NFIB: variants seen among roughly 807,000 people sequenced by gnomAD.
NFIB encodes the protein nuclear factor 1 B-type.
Under a neutral mutation model 61.5 loss-of-function variants are expected in NFIB, and 11 were observed. The ratio of observed to expected loss-of-function variants is 0.18; its 90% confidence interval spans 0.11 to 0.30. The LOEUF (loss-of-function observed/expected upper bound fraction) is 0.30, where lower values mean the gene tolerates loss of function less well. NFIB is among the 10% of genes least tolerant of loss of function. The probability of loss-of-function intolerance (pLI) is 1.00; values close to 1 mark genes in which losing one functional copy is unlikely to be tolerated. For synonymous variants in NFIB, 260 were observed against 216.5 expected (o/e 1.20, Z -1.76); for missense variants, 471 against 608.9 (o/e 0.77, Z 2.38).
chr9:14,504,339 G>A, the NFIB span, among the ~76,000 whole-genome samples: 9 of 152,050 alleles, frequency 5.9e-5, no homozygotes, highest in Non-Finnish European at 1.2e-4. Context: ...ATGAATCTTA[G>A]AATTGTGTTT....
intron 2 of NFIB, among the ~76,000 whole-genome samples, chr9:14,185,383 A>T (rs1159727544): frequency 6.6e-6 from 1 of 152,210 alleles, no homozygotes; most frequent in African/African-American, 2.4e-5. Flanking sequence ...TTCTGAAAAT[A>T]GTATGCCATT....
intron 4 of NFIB, among the ~76,000 whole-genome samples, chr9:14,153,341 G>A (rs984741582): frequency 4.6e-5 from 7 of 152,064 alleles, no homozygotes; most frequent in African/African-American, 1.4e-4. Flanking sequence ...CAGAGTGTGT[G>A]GGAACAGCAA....
chr9:14,112,922 G>A (rs1409437800), intron 10 of NFIB, 77 bp downstream of exon 10: 22 of 1,399,236 alleles, frequency 1.6e-5, no homozygotes, highest in East Asian at 1.3e-4. Flanking sequence ...TTCTGAGTCC[G>A]GATCTGAGAG....
At chr9:14,302,611 T>A (rs2059806740) in intron 2 of NFIB, among the ~76,000 whole-genome samples, 1 of 152,234 alleles carries the variant, frequency 6.6e-6, no homozygotes, top group East Asian at 1.9e-4. Context: ...TGACTCATTT[T>A]AAACTCTAAT....
At chr9:14,125,480 G>GA (rs1419178280) in intron 7 of NFIB, 152 bp downstream of exon 7, 2 of 1,152,284 alleles carry the variant, frequency 1.7e-6, no homozygotes, top group East Asian at 2.4e-5. Context: ...AAATTGAGAA[G>GA]AAAAAATACT....
intron 7 of NFIB, 49 bp downstream of exon 7, chr9:14,125,583 G>A (rs2039540279): frequency 6.2e-7 from 1 of 1,608,900 alleles, no homozygotes; most frequent in Middle Eastern, 1.9e-4. Flanking sequence ...AGGGGGTTAG[G>A]CCCTACAGAC....
the NFIB span, among the ~76,000 whole-genome samples, chr9:14,470,689 ACCACATGT>A: frequency 1.3e-5 from 2 of 152,280 alleles, no homozygotes; most frequent in Admixed American, 1.3e-4. Flanking sequence ...TAAATTCGAG[ACCACATGT>A]CCACAGCAAT....
chr9:14,444,298 A>G, the NFIB span, among the ~76,000 whole-genome samples: 1 of 152,216 alleles, frequency 6.6e-6, no homozygotes, highest in South Asian at 2.1e-4. Context: ...GAGAGAGTGT[A>G]GATTTTAGAA....
At chr9:14,523,970 G>T in the NFIB span, among the ~76,000 whole-genome samples, 1 of 152,140 alleles carries the variant, frequency 6.6e-6, no homozygotes, top group African/African-American at 2.4e-5. Context: ...TCTGGAAAAA[G>T]ACGGCATAAC....
intron 2 of NFIB, among the ~76,000 whole-genome samples, chr9:14,223,525 T>G (rs1361886218): frequency 6.6e-6 from 1 of 152,204 alleles, no homozygotes; most frequent in East Asian, 1.9e-4. Context: ...TATAAAAATG[T>G]AGAAACCACT....
At chr9:14,495,674 C>A in the NFIB span, among the ~76,000 whole-genome samples, 10 of 151,984 alleles carry the variant, frequency 6.6e-5, no homozygotes, top group Admixed American at 4.6e-4. Flanking sequence ...TCTGCTTGAA[C>A]CAAGATGACC....
rs1156649536 is a variant in NFIB, at chr9:14,084,435, A to C, written c.*3874T>G. 4.4e-6 allele frequency: 1 copy of C among 225,276 alleles called. No individual in the cohort carries two copies. The highest frequency in any genetic ancestry group is 6.4e-5 in the East Asian group (1 of 15,568). The allele number at this position is 225,276 out of a possible 1,614,324, so 14.0% of individuals were successfully genotyped here. A position where few individuals can be genotyped will look rare whatever the true frequency, so the allele number is the denominator to read the frequency against. On this transcript the variant is annotated 3_prime_UTR_variant, in exon 11 of 11. Transcript: ENST00000380953. ...CACATATTTTTTAATGGAGCTGCCC[A>C]CCCGAACATTACCCGATAACTATAT... is the stretch of plus-strand genomic sequence containing the variant.
At chr9:14,224,748 G>T (rs1028851970) in intron 2 of NFIB, among the ~76,000 whole-genome samples, 3 of 152,212 alleles carry the variant, frequency 2.0e-5, no homozygotes, top group Admixed American at 6.5e-5. Flanking sequence ...GGGGCCTGGG[G>T]TTGGGGCGGT....
the NFIB span, among the ~76,000 whole-genome samples, chr9:14,473,260 C>T: frequency 1.3e-5 from 2 of 152,184 alleles, no homozygotes; most frequent in South Asian, 4.1e-4. Flanking sequence ...ATACATACAA[C>T]CTTTTATCAA....
chr9:14,160,111 G>A (rs948506383), intron 3 of NFIB, among the ~76,000 whole-genome samples: 1 of 152,076 alleles, frequency 6.6e-6, no homozygotes, highest in East Asian at 1.9e-4. Flanking sequence ...TACACTACAT[G>A]TGTGCTTTTT....
At chr9:14,148,151 C>T (rs576814395) in intron 5 of NFIB, among the ~76,000 whole-genome samples, 7 of 152,194 alleles carry the variant, frequency 4.6e-5, no homozygotes, top group South Asian at 2.1e-4. Flanking sequence ...GAGACAGGGT[C>T]TCACTCTGTT....
chr9:14,360,418 C>G (rs1203244957), intron 1 of NFIB, among the ~76,000 whole-genome samples: 1 of 152,138 alleles, frequency 6.6e-6, no homozygotes, highest in East Asian at 1.9e-4. Context: ...TTGGTTAATG[C>G]ACAATTAAAA....
intron 2 of NFIB, among the ~76,000 whole-genome samples, chr9:14,215,251 G>A (rs1486168462): frequency 2.0e-5 from 3 of 150,302 alleles, no homozygotes; most frequent in African/African-American, 5.0e-5. Flanking sequence ...TATTGGAACC[G>A]AAGAAAAAGA....
chr9:14,172,406 T>C (rs1339829175), intron 3 of NFIB, among the ~76,000 whole-genome samples: 1 of 152,066 alleles, frequency 6.6e-6, no homozygotes, highest in Non-Finnish European at 1.5e-5. Context: ...AGAAAGTTGA[T>C]GGCTTCATAA....
Sources: gnomAD v4.1 joint callset for allele counts (sites outside exome capture counted in the v4.1 genomes callset) on GRCh38, gnomAD v4.1.1 for gene constraint, MANE v1.5 for transcripts, NCBI Gene and HGNC (gene_info 2026-07-23, HGNC 2026-07-21) for gene names.